The following PRRG4 variants were observed in gnomAD, a reference collection of about 807,000 sequenced individuals.
PRRG4 encodes the protein transmembrane gamma-carboxyglutamic acid protein 4.
Under a neutral mutation model 20.0 loss-of-function variants are expected in PRRG4, and 12 were observed. That is an observed-to-expected ratio of 0.60 (90% confidence interval 0.38 to 0.97). The LOEUF (loss-of-function observed/expected upper bound fraction) is 0.97, where lower values mean the gene tolerates loss of function less well. Ranked by LOEUF, PRRG4 falls within the 50% of genes least tolerant of loss-of-function variation. The pLI is 0.00. For missense variants in PRRG4, 199 were observed against 265.1 expected, an observed-to-expected ratio of 0.75 and a Z score of 1.73; for synonymous variants, 94 against 96.4, an observed-to-expected ratio of 0.98 and a Z score of 0.15.
chr11:32,849,181 G>A (rs1021243738), intron 5 of PRRG4, among the ~76,000 whole-genome samples: 4 of 151,864 alleles, frequency 2.6e-5, no homozygotes, highest in Admixed American at 1.3e-4. Context: ...TGGGCAAGAT[G>A]GTGAAACCCC....
At chr11:32,846,810 C>T (rs1851134944) in intron 5 of PRRG4, among the ~76,000 whole-genome samples, 2 of 151,942 alleles carry the variant, frequency 1.3e-5, no homozygotes, top group African/African-American at 4.8e-5. Context: ...CCATCCTGGC[C>T]AACACGGTGA....
At chr11:32,836,524 A>G in intron 2 of PRRG4, 134 bp from the exon 3 acceptor site, 1 of 448,846 alleles carries the variant, frequency 2.2e-6, no homozygotes, top group South Asian at 7.2e-5. Flanking sequence ...TTTGGGTTAG[A>G]TTTTAAAACT....
At chr11:32,843,816 C>CA (rs1851102554) in intron 5 of PRRG4, among the ~76,000 whole-genome samples, 1 of 151,776 alleles carries the variant, frequency 6.6e-6, no homozygotes, top group Admixed American at 6.6e-5. Context: ...TAGGCTTTAG[C>CA]AACCACTATT....
chr11:32,847,866 G>A (rs1280092376), intron 5 of PRRG4, among the ~76,000 whole-genome samples: 1 of 152,166 alleles, frequency 6.6e-6, no homozygotes, highest in Non-Finnish European at 1.5e-5. Context: ...GATACCAAGT[G>A]AAAGAAGCCA....
intron 2 of PRRG4, among the ~76,000 whole-genome samples, chr11:32,831,319 G>C (rs1850969009): frequency 6.6e-6 from 1 of 152,024 alleles, no homozygotes; most frequent in African/African-American, 2.4e-5. Flanking sequence ...ACTATTCATG[G>C]TGCTTCCCCA....
At chr11:32,846,522 A>G (rs1565116675) in intron 5 of PRRG4, among the ~76,000 whole-genome samples, 1 of 152,232 alleles carries the variant, frequency 6.6e-6, no homozygotes, top group Non-Finnish European at 1.5e-5. Context: ...GAGTAAAACA[A>G]GCATAGTGTC....
At chr11:32,831,661 TC>T (rs1173139419) in intron 2 of PRRG4, among the ~76,000 whole-genome samples, 1 of 152,166 alleles carries the variant, frequency 6.6e-6, no homozygotes, top group African/African-American at 2.4e-5. Context: ...CTTATAAGGT[TC>T]CATAATCAGA....
chr11:32,836,039 T>C (rs767545482), intron 2 of PRRG4, among the ~76,000 whole-genome samples: 1 of 151,906 alleles, frequency 6.6e-6, no homozygotes, highest in Non-Finnish European at 1.5e-5. Context: ...GAGGCGGAGA[T>C]TGCAGTGAGC....
At chr11:32,838,968 T>G in intron 4 of PRRG4, 38 bp downstream of exon 4, 1 of 1,446,326 alleles carries the variant, frequency 6.9e-7, no homozygotes. Context: ...GCTTTTCTCA[T>G]CCTCTCTCTG....
chr11:32,849,097 T>C (rs182097561), intron 5 of PRRG4, among the ~76,000 whole-genome samples: 3 of 152,256 alleles, frequency 2.0e-5, no homozygotes, highest in African/African-American at 7.2e-5. Context: ...ACACAGTGTC[T>C]CACGCCTATA....
At chr11:32,833,571 G>T (rs1409713489) in intron 2 of PRRG4, among the ~76,000 whole-genome samples, 2 of 152,194 alleles carry the variant, frequency 1.3e-5, no homozygotes, top group East Asian at 3.8e-4. Flanking sequence ...ATAGCTAAGT[G>T]AGGCAGGCTA....
intron 5 of PRRG4, among the ~76,000 whole-genome samples, chr11:32,853,073 C>T (rs1000534737): frequency 6.6e-6 from 1 of 151,776 alleles, no homozygotes; most frequent in Non-Finnish European, 1.5e-5. Flanking sequence ...CAGGCGTGAG[C>T]CACCACGCCC....
chr11:32,839,641 ATAT>A (rs1435053434), intron 4 of PRRG4, among the ~76,000 whole-genome samples: 23 of 145,154 alleles, frequency 1.6e-4, no homozygotes, highest in Non-Finnish European at 3.1e-4. Context: ...AATATTTTGA[ATAT>A]TATTAAAATA....
chr11:32,840,533 A>G lies in PRRG4; in HGVS notation c.449+294A>G, dbSNP rs1158953024. Among the ~76,000 whole-genome samples the G allele has an allele frequency of 6.6e-6, 1 of 152,186 alleles. No homozygotes were observed. The highest frequency in any genetic ancestry group is 1.5e-5 in the Non-Finnish European group (1 of 68,030). ...AGACTTTGATTTCAGCAGTTTTCCC[A>G]CTGGTGTTTTCCTTCTGCTGCAGGA... On this transcript the variant is annotated intron_variant, in intron 5 of 5. Transcript: ENST00000257836. This position sits in a 1 kb window ranked among gnomAD's most constrained non-coding sequence, Gnocchi z 4.1.
chr11:32,833,559 G>A (rs1309868904), intron 2 of PRRG4, among the ~76,000 whole-genome samples: 1 of 152,210 alleles, frequency 6.6e-6, no homozygotes, highest in East Asian at 1.9e-4. Context: ...CATGCAGTAA[G>A]TATAGCTAAG....
chr11:32,835,364 A>G (rs939547231), intron 2 of PRRG4, among the ~76,000 whole-genome samples: 2 of 152,214 alleles, frequency 1.3e-5, no homozygotes, highest in Non-Finnish European at 2.9e-5. Context: ...TTCTTTCTTT[A>G]GAAATGGTGA....
chr11:32,837,507 AGATGATGATGATGAT>A (rs145836180), intron 3 of PRRG4, among the ~76,000 whole-genome samples: 53 of 134,704 alleles, frequency 3.9e-4, no homozygotes, highest in African/African-American at 8.6e-4. Flanking sequence ...TAACTAACTG[AGATGATGATGATGAT>A]GATGATGATG....
intron 5 of PRRG4, among the ~76,000 whole-genome samples, chr11:32,843,332 G>T (rs770516125): frequency 9.2e-5 from 14 of 151,728 alleles, no homozygotes; most frequent in Admixed American, 1.3e-4. Flanking sequence ...TTATAGAAAG[G>T]TATAATATAA....
intron 2 of PRRG4, among the ~76,000 whole-genome samples, chr11:32,834,029 G>A (rs1224626606): frequency 1.3e-5 from 2 of 152,154 alleles, no homozygotes; most frequent in Non-Finnish European, 2.9e-5. Context: ...TGTGTTGGAA[G>A]CCAGCATAGC....
Sources: gnomAD v4.1 joint callset for allele counts (sites outside exome capture counted in the v4.1 genomes callset) on GRCh38, gnomAD v4.1.1 for gene constraint, Gnocchi (gnomAD v3.1) non-coding constraint, MANE v1.5 for transcripts, NCBI Gene and HGNC (gene_info 2026-07-23, HGNC 2026-07-21) for gene names.